Variants in MYBL1 observed in about 807,000 individuals in gnomAD.
The protein encoded by MYBL1 is myb-related protein A.
MYBL1 carries 17 observed loss-of-function variants against 96.3 expected under a neutral mutation model. The observed-to-expected ratio is 0.18, with a 90% CI of 0.12 to 0.26. MYBL1 has a LOEUF of 0.26. MYBL1 is among the 10% of genes least tolerant of loss of function. The pLI is 1.00. For synonymous variants in MYBL1, 282 were observed against 292.7 expected, an observed-to-expected ratio of 0.96 and a Z score of 0.37; for missense variants, 701 against 882.9, an observed-to-expected ratio of 0.79 and a Z score of 2.61.
At chr8:66,610,399 T>G (rs978713192) in intron 1 of MYBL1, among the ~76,000 whole-genome samples, 8 of 151,568 alleles carry the variant, frequency 5.3e-5, no homozygotes, top group African/African-American at 1.9e-4. Flanking sequence ...TACTCTTAGG[T>G]TTTTTTGGGT....
intron 8 of MYBL1, among the ~76,000 whole-genome samples, chr8:66,587,407 A>G (rs1208475460): frequency 2.0e-5 from 3 of 152,100 alleles, no homozygotes; most frequent in Non-Finnish European, 4.4e-5. Flanking sequence ...ATCATATACT[A>G]TCCTGTTTCT....
chr8:66,575,882 G>T, intron 10 of MYBL1, 125 bp downstream of exon 10: 1 of 902,146 alleles, frequency 1.1e-6, no homozygotes, highest in Non-Finnish European at 1.6e-6. Flanking sequence ...GTATTCTCAA[G>T]TATACATTTA....
chr8:66,584,469 C>T (rs997928044), intron 8 of MYBL1, among the ~76,000 whole-genome samples: 1 of 152,134 alleles, frequency 6.6e-6, no homozygotes. Context: ...ATATAGAAAA[C>T]CCTATAACCC....
Position 66,563,508 on chromosome 8 carries a change from A to T in MYBL1, c.*1189T>A, listed in dbSNP as rs1241542499. ...ACCTGTAGAGAAACACAAAACATTT[A>T]AAAAAGGACAAAATATTTTTATAAA... On this transcript the variant is annotated 3_prime_UTR_variant, in exon 16 of 16. Transcript: ENST00000522677. 1.3e-5 allele frequency: 2 copies of T among 152,604 alleles called. No homozygotes were observed. The highest frequency in any genetic ancestry group is 6.5e-5 in the Admixed American group (1 of 15,272). The allele number at this position is 152,604 out of a possible 1,614,324, so 9.5% of individuals were successfully genotyped here.
In MYBL1 at chr8:66,566,728, C is replaced by T. The variant is rs1194744108; in HGVS notation, c.1906G>A (p.Glu636Lys). The T allele has an allele frequency of 1.2e-6, 2 of 1,609,832 alleles. No individual in the cohort carries two copies. Among genetic ancestry groups the T allele is most frequent in the Non-Finnish European group, 1.7e-6 (2 of 1,177,278 alleles). ...TCAGTCAACAGTTGAGTGCCTGATT[C>T]TTCTTTTTCCCAATTATCTAAGACT... ...SLVLDNWEKE[E>K]SGTQLLTEDI... The change falls in exon 14 of 16, where the codon GAA (glutamate) becomes AAA (lysine). Residue 636 changes from glutamate (E) to lysine (K), a missense_variant. Glu to Lys is a moderately conservative substitution (Grantham distance 56). Around this residue, in one of 5 missense-constraint regions of MYBL1, gnomAD observed 137 missense variants for 137.5 expected, o/e 1.00. Coordinates refer to ENST00000522677, the MANE Select transcript of MYBL1 (RefSeq NM_001080416.4).
chr8:66,575,278 C>G (rs1199796024), intron 10 of MYBL1, among the ~76,000 whole-genome samples: 2 of 152,104 alleles, frequency 1.3e-5, no homozygotes, highest in African/African-American at 4.8e-5. Context: ...CCTCAGTGGG[C>G]AAACTAAACA....
chr8:66,598,689 T>C (rs1056890268), intron 4 of MYBL1, among the ~76,000 whole-genome samples: 10 of 152,194 alleles, frequency 6.6e-5, no homozygotes, highest in Admixed American at 6.6e-4. Flanking sequence ...ATCAAGTTAT[T>C]AGATGTAAAA....
At chr8:66,606,706 C>CT (rs1425482082) in intron 1 of MYBL1, among the ~76,000 whole-genome samples, 1 of 152,168 alleles carries the variant, frequency 6.6e-6, no homozygotes, top group Non-Finnish European at 1.5e-5. Flanking sequence ...GTTCAACACA[C>CT]TTCAATAGTC....
At chr8:66,569,676 T>C (rs1234163321) in intron 12 of MYBL1, among the ~76,000 whole-genome samples, 1 of 152,172 alleles carries the variant, frequency 6.6e-6, no homozygotes, top group Non-Finnish European at 1.5e-5. Context: ...TAGTCTAGTA[T>C]TCTTAAAAAG....
chr8:66,570,095 G>A (rs1051546188), intron 12 of MYBL1, among the ~76,000 whole-genome samples: 1 of 152,178 alleles, frequency 6.6e-6, no homozygotes, highest in African/African-American at 2.4e-5. Flanking sequence ...AGAGATGTAT[G>A]AGCCTATAGA....
intron 3 of MYBL1, among the ~76,000 whole-genome samples, chr8:66,600,199 C>A (rs1253277648): frequency 6.6e-6 from 1 of 152,172 alleles, no homozygotes; most frequent in East Asian, 1.9e-4. Flanking sequence ...CTATACATTA[C>A]AAGGATAATG....
chr8:66,612,827 C>T lies in MYBL1; in HGVS notation c.12G>A (p.Arg4=). 2 of 1,371,892 alleles carry T rather than the reference C, an allele frequency of 1.5e-6. No homozygotes were observed. The highest frequency in any genetic ancestry group is 2.0e-5 in the South Asian group (1 of 49,414). The allele number at this position is 1,371,892 out of a possible 1,614,324, so 85.0% of individuals were successfully genotyped here. ...AAAGGGGTGCCACCCACCTGCGCGACCTCTTCGCCATCCTTCAAGTACCGC... is the reference window on the plus strand; with the variant it reads ...AAAGGGGTGCCACCCACCTGCGCGATCTCTTCGCCATCCTTCAAGTACCGC... MAK[R]SRSEDEDDDL... is the part of the protein sequence containing the mutation. The change falls in exon 1 of 16, where the codon AGG becomes AGA. Residue 4 remains arginine, a synonymous_variant. Transcript: ENST00000522677.
At chr8:66,596,106 A>G (rs1034814727) in intron 5 of MYBL1, among the ~76,000 whole-genome samples, 2 of 152,168 alleles carry the variant, frequency 1.3e-5, no homozygotes, top group African/African-American at 4.8e-5. Context: ...ATTCACTACA[A>G]TGCAAATAAA....
intron 5 of MYBL1, 144 bp downstream of exon 5, chr8:66,597,186 C>A: frequency 1.9e-6 from 1 of 524,954 alleles, no homozygotes; most frequent in Non-Finnish European, 3.2e-6. Context: ...ACAAATGGTC[C>A]CAAAGGTTGC....
intron 4 of MYBL1, among the ~76,000 whole-genome samples, chr8:66,598,740 G>A (rs917026820): frequency 2.6e-5 from 4 of 152,044 alleles, no homozygotes; most frequent in Non-Finnish European, 5.9e-5. Flanking sequence ...TTAGATTTTT[G>A]ACAAAAAACT....
chr8:66,586,621 G>A (rs759003465), intron 8 of MYBL1, among the ~76,000 whole-genome samples: 22 of 152,084 alleles, frequency 1.4e-4, no homozygotes, highest in Non-Finnish European at 2.5e-4. Flanking sequence ...CACTATGGAG[G>A]CTCTTCAAAA....
chr8:66,585,327 T>C (rs1392252134), intron 8 of MYBL1, among the ~76,000 whole-genome samples: 2 of 151,980 alleles, frequency 1.3e-5, no homozygotes, highest in Non-Finnish European at 2.9e-5. Context: ...TGCAGAAAAA[T>C]GAAACTAGCT....
At chr8:66,568,046 C>CAAAA in intron 12 of MYBL1, among the ~76,000 whole-genome samples, 1 of 67,134 alleles carries the variant, frequency 1.5e-5, no homozygotes, top group African/African-American at 4.9e-5. Context: ...GACTCCGTCT[C>CAAAA]AAAAAAAAAA....
chr8:66,602,383 A>C (rs557469753), intron 2 of MYBL1, 35 bp downstream of exon 2: 2 of 1,449,396 alleles, frequency 1.4e-6, no homozygotes, highest in South Asian at 1.2e-5. Flanking sequence ...CAATAAATAC[A>C]TGTAAGAAAC....
Sources: gnomAD v4.1 joint callset for allele counts (sites outside exome capture counted in the v4.1 genomes callset) on GRCh38, gnomAD v4.1.1 for gene constraint, gnomAD v4.1.1 regional missense constraint, MANE v1.5 for transcripts, NCBI Gene and HGNC (gene_info 2026-07-23, HGNC 2026-07-21) for gene names.